CD209: variants seen among roughly 807,000 people sequenced by gnomAD.
The protein encoded by CD209 is CD209 antigen.
Under a neutral mutation model 44.7 loss-of-function variants are expected in CD209, and 31 were observed. The ratio of observed to expected loss-of-function variants is 0.69; its 90% CI spans 0.52 to 0.94. The LOEUF (loss-of-function observed/expected upper bound fraction) is 0.94, where lower values mean the gene tolerates loss of function less well. Ranked by LOEUF, CD209 falls within the 40% of genes least tolerant of loss-of-function variation. The pLI, the probability that CD209 is intolerant of heterozygous loss-of-function variation, is 0.00. For synonymous variants in CD209, 173 were observed against 181.3 expected, an observed-to-expected ratio of 0.95 and a Z score of 0.37; for missense variants, 407 against 452.4, an observed-to-expected ratio of 0.90 and a Z score of 0.91.
Position 7,742,798 on chromosome 19 carries a change from T to A in CD209, c.*241A>T. ...CCTAATCTCCAAAAGGAAGAGAGAGTGGATTCTTGGAACACAAGTCCACCC... is the reference window on the plus strand; with the variant it reads ...CCTAATCTCCAAAAGGAAGAGAGAGAGGATTCTTGGAACACAAGTCCACCC... On this transcript the variant is annotated 3_prime_UTR_variant, in exon 7 of 7. Coordinates refer to ENST00000315599, the MANE Select transcript of CD209 (RefSeq NM_021155.4). The A allele has an allele frequency of 1.8e-6, 1 of 564,046 alleles. No individual in the cohort carries two copies. Among genetic ancestry groups the A allele is most frequent in the South Asian group, 2.3e-5 (1 of 43,748 alleles). The allele number at this position is 564,046 out of a possible 1,614,324, so 34.9% of individuals were successfully genotyped here.
rs1599472907 is a variant in CD209 at position 7,743,195 on chromosome 19, C to T, written c.1059G>A (p.Glu353=). ...WNRGEPNNVG[E]EDCAEFSGNG... is the part of the protein sequence containing the mutation. ...TGCCACTAAATTCCGCGCAGTCTTC[C>T]TCCCCAACGTTGTTGGGCTCTCCTC... The change falls in exon 7 of 7, where the codon GAG becomes GAA. Residue 353 remains glutamate, a synonymous_variant. Coordinates refer to ENST00000315599, the MANE Select transcript of CD209 (RefSeq NM_021155.4). 1.2e-6 allele frequency: 2 copies of T among 1,614,028 alleles called. No individual in the cohort carries two copies. The highest frequency in any genetic ancestry group is 1.7e-5 in the Admixed American group (1 of 60,004).
intron 6 of CD209, 36 bp from the exon 7 acceptor site, chr19:7,743,276 C>G: frequency 3.8e-6 from 6 of 1,568,668 alleles, no homozygotes; most frequent in Non-Finnish European, 5.3e-6. Flanking sequence ...CCTCTGTCCC[C>G]GCCAGCTACA....
chr19:7,746,362 C>G (rs1385307441), intron 3 of CD209, 98 bp downstream of exon 3: 1 of 1,373,670 alleles, frequency 7.3e-7, no homozygotes, highest in African/African-American at 1.4e-5. Flanking sequence ...CATCTTGGCT[C>G]TCAGTCCCAC....
chr19:7,746,034 A>G lies in CD209; in HGVS notation c.232T>C (p.Tyr78His). The change falls in exon 4 of 7, where the codon TAC becomes CAC. Residue 78 changes from tyrosine to histidine, a missense_variant. Tyr to His is a moderately conservative substitution (Grantham distance 83). This residue lies in a region of CD209 where 122 missense variants were observed against 110.3 expected (regional missense o/e 1.11). Transcript: ENST00000315599. ...GCTTTAAGCTGGGTCAGGTTCTGGT[A>G]GATCGCGTCTTGCCTGGATTGTTCC... ...SQEQSRQDAI[Y>H]QNLTQLKAAV... 6.2e-7 allele frequency: 1 copy of G among 1,614,254 alleles called. No individual in the cohort carries two copies. Among genetic ancestry groups the G allele is most frequent in the Non-Finnish European group, 8.5e-7 (1 of 1,180,044 alleles).
At chr19:7,743,567 G>C (rs550944826) in intron 6 of CD209, among the ~76,000 whole-genome samples, 19 of 152,288 alleles carry the variant, frequency 1.2e-4, no homozygotes, top group Admixed American at 9.2e-4. Flanking sequence ...CCAAGGCCAG[G>C]TGTCAGACAG....
chr19:7,743,327 ATC>A (rs1454793015), intron 6 of CD209, 87 bp from the exon 7 acceptor site: 1 of 1,147,402 alleles, frequency 8.7e-7, no homozygotes, highest in African/African-American at 1.5e-5. Context: ...ATGCCTTAAC[ATC>A]TGCCCTGCGT....
chr19:7,747,357 G>A lies in CD209; in HGVS notation c.55C>T (p.Gln19Ter), dbSNP rs2033875270. Residue 19 changes from glutamine to a stop codon, truncating the protein, a stop_gained, in exon 2 of 7, where the codon CAG becomes TAG. Transcript: ENST00000315599. LOFTEE classifies it high-confidence loss of function. Reference protein sequence around the residue: ...LQQLGLLEEEQLRGLGFRQTR... With the variant: ...LQQLGLLEEE The stretch of plus-strand genomic sequence containing the variant: ...TGTCGGAATCCAAGGCCTCTCAGCT[G>A]TTCCTCCTCTGAATGGATAGACGTG... The A allele has an allele frequency of 5.0e-6, 8 of 1,614,236 alleles. No homozygotes were observed. Among genetic ancestry groups the A allele is most frequent in the Middle Eastern group, 3.3e-4 (2 of 6,062 alleles).
chr19:7,741,075 C>A lies in CD209; in HGVS notation c.*1964G>T. The A allele has an allele frequency of 1.2e-6, 1 of 852,756 alleles. No homozygotes were observed. Among genetic ancestry groups the A allele is most frequent in the Non-Finnish European group, 2.0e-6 (1 of 507,782 alleles). 52.8% of individuals were successfully genotyped at this position (852,756 alleles called of 1,614,324 possible). On this transcript the variant is annotated 3_prime_UTR_variant, in exon 7 of 7. Coordinates refer to ENST00000315599, the MANE Select transcript of CD209 (RefSeq NM_021155.4). ...TTACAGTGTTTGGAAAGGAGCAGTG[C>A]AGGAGGGATGACTATGACTCCGAAG... is the stretch of plus-strand genomic sequence containing the variant.
In CD209 at chr19:7,743,157, T is replaced by G. The variant is rs761614211; in HGVS notation, c.1097A>C (p.Asp366Ala). ...CAEFSGNGWN[D>A]DKCNLAKFWI... ...GAATTTGGCAAGATTACATTTGTCG[T>G]CGTTCCAGCCATTGCCACTAAATTC... Residue 366 changes from aspartate (D) to alanine (A), a missense_variant, in exon 7 of 7, where the codon GAC (aspartate) becomes GCC (alanine). By Grantham distance (126) the Asp-to-Ala change is moderately radical (BLOSUM62 -2). Around this residue, in one of 3 missense-constraint regions of CD209, gnomAD observed 200 missense variants for 202.2 expected, o/e 0.99. Coordinates refer to ENST00000315599, the MANE Select transcript of CD209 (RefSeq NM_021155.4). 3 of 1,614,210 alleles carry G rather than the reference T, an allele frequency of 1.9e-6. No individual in the cohort carries two copies. The highest frequency in any genetic ancestry group is 2.2e-5 in the East Asian group (1 of 44,890).
At position 7,740,139 on chromosome 19, in the gene CD209, G is replaced by A. The variant is rs891977049; in HGVS notation, c.*2900C>T. ...ATATGATTGGATCTTGTAATGAGGGGATTCAGGAGGCTTGATCTGACTGGA... is the reference window on the plus strand; with the variant it reads ...ATATGATTGGATCTTGTAATGAGGGAATTCAGGAGGCTTGATCTGACTGGA... On this transcript the variant is annotated 3_prime_UTR_variant, in exon 7 of 7. Coordinates refer to ENST00000315599, the MANE Select transcript of CD209 (RefSeq NM_021155.4). 8 of 193,172 alleles carry A rather than the reference G, an allele frequency of 4.1e-5. No homozygotes were observed. The highest frequency in any genetic ancestry group is 6.4e-5 in the Non-Finnish European group (6 of 93,690). 12.0% of individuals were successfully genotyped at this position (193,172 alleles called of 1,614,324 possible).
rs1035454461 is a variant in CD209 at position 7,743,065 on chromosome 19, C to T, written c.1189G>A (p.Ala397Thr). Residue 397 changes from alanine (A) to threonine (T), a missense_variant, in exon 7 of 7, where the codon GCC becomes ACC. Transcript: ENST00000315599. The part of the protein sequence containing the change: ...DEEQFLSPAP[A>T]TPNPPPA ...TACGCAGGAGGGGGGTTTGGGGTGG[C>T]AGGGGCTGGAGAAAGAAACTGTTCT... The T allele has an allele frequency of 1.2e-6, 2 of 1,613,348 alleles. No individual in the cohort carries two copies. The highest frequency in any genetic ancestry group is 1.7e-5 in the Admixed American group (1 of 59,976).
chr19:7,744,271 C>A, intron 5 of CD209, 52 bp from the exon 6 acceptor site: 1 of 1,331,340 alleles, frequency 7.5e-7, no homozygotes, highest in Non-Finnish European at 1.1e-6. Context: ...ATTTTCCAGG[C>A]TCTGTCTCCC....
At position 7,740,666 on chromosome 19, in the gene CD209, G is replaced by A; in HGVS notation, c.*2373C>T. 1.3e-6 allele frequency: 1 copy of A among 778,284 alleles called. No homozygotes were observed. The highest frequency in any genetic ancestry group is 2.4e-6 in the Non-Finnish European group (1 of 417,964). The allele number at this position is 778,284 out of a possible 1,614,324, so 48.2% of individuals were successfully genotyped here. A position where few individuals can be genotyped will look rare whatever the true frequency, so the allele number is the denominator to read the frequency against. ...GAGAGAGGCAAAGATTACATGAGGA[G>A]TGGTTGCTGAGAGAGCAGAAGGCAC... On this transcript the variant is annotated 3_prime_UTR_variant, in exon 7 of 7. Transcript: ENST00000315599.
At position 7,742,272 on chromosome 19, in the gene CD209, A is replaced by T. The variant is rs1568508062; in HGVS notation, c.*767T>A. The T allele has an allele frequency of 6.5e-6, 1 of 153,070 alleles. No homozygotes were observed. Among genetic ancestry groups the T allele is most frequent in the Admixed American group, 6.5e-5 (1 of 15,330 alleles). 9.5% of individuals were successfully genotyped at this position (153,070 alleles called of 1,614,324 possible). The stretch of plus-strand genomic sequence containing the variant: ...GGAGTTCAAGACCAGCCTGACCAAC[A>T]CGGAGAAACCCCATCTGTACTAAAA... On this transcript the variant is annotated 3_prime_UTR_variant, in exon 7 of 7. Transcript: ENST00000315599.
At position 7,745,086 on chromosome 19, in the gene CD209, A is replaced by C. The variant is rs754866691; in HGVS notation, c.755T>G (p.Leu252Arg). Reference protein sequence around the residue: ...LTQLKAAVERLCHPCPWEWTF... With the variant: ...LTQLKAAVERRCHPCPWEWTF... ...CCATTCCCAGGGACAGGGGTGGCAC[A>C]GGCGTTCTGTTGGGGGAGGCTGGTC... is the stretch of plus-strand genomic sequence containing the variant. The change falls in exon 5 of 7, where the codon CTG becomes CGG. Residue 252 changes from leucine to arginine, a missense_variant. Coordinates refer to ENST00000315599, the MANE Select transcript of CD209 (RefSeq NM_021155.4). 4.3e-6 allele frequency: 7 copies of C among 1,614,214 alleles called. No individual in the cohort carries two copies. In the South Asian group the frequency reaches 7.7e-5, roughly 18 times the overall value.
Position 7,740,755 on chromosome 19 carries a change from G to A in CD209, c.*2284C>T, listed in dbSNP as rs1013514965. On this transcript the variant is annotated 3_prime_UTR_variant, in exon 7 of 7. Coordinates refer to ENST00000315599, the MANE Select transcript of CD209 (RefSeq NM_021155.4). ...GCTAGAAAACGGCAAGAACAAGAGC[G>A]AAAGTTAAAGGAACAATGGGAAGAA... is the stretch of plus-strand genomic sequence containing the variant. 5.3e-6 allele frequency: 4 copies of A among 761,424 alleles called. No individual in the cohort carries two copies. Among genetic ancestry groups the A allele is most frequent in the Non-Finnish European group, 9.8e-6 (4 of 407,068 alleles). The allele number at this position is 761,424 out of a possible 1,614,324, so 47.2% of individuals were successfully genotyped here.
chr19:7,740,798 A>AG lies in CD209; in HGVS notation c.*2240dup. The AG allele has an allele frequency of 1.3e-6, 1 of 760,264 alleles. No individual in the cohort carries two copies. Among genetic ancestry groups the AG allele is most frequent in the Non-Finnish European group, 2.5e-6 (1 of 406,952 alleles). The allele number at this position is 760,264 out of a possible 1,614,324, so 47.1% of individuals were successfully genotyped here. On this transcript the variant is annotated 3_prime_UTR_variant, in exon 7 of 7. Coordinates refer to ENST00000315599, the MANE Select transcript of CD209 (RefSeq NM_021155.4). The stretch of plus-strand genomic sequence containing the variant: ...GGGAAGAACAGCAGAGGAAAGAGAG[A>AG]GAGGAGGAGGAACAGAAACGACAGA...
rs1271571971 is a variant in CD209 at position 7,744,228 on chromosome 19, T to C, written c.901-9A>G. Reference sequence around the variant, plus strand: ...TGCAGCTGTAGGAAGTTCTGGAGGGTACAGGAGGAGTCAGGAGGGAGCTCT... The same window carrying C: ...TGCAGCTGTAGGAAGTTCTGGAGGGCACAGGAGGAGTCAGGAGGGAGCTCT... On this transcript the variant is annotated splice_polypyrimidine_tract_variant and intron_variant, in intron 5 of 6. Coordinates refer to ENST00000315599, the MANE Select transcript of CD209 (RefSeq NM_021155.4). The C allele has an allele frequency of 5.6e-6, 9 of 1,600,910 alleles. No homozygotes were observed. Among genetic ancestry groups the C allele is most frequent in the Non-Finnish European group, 7.7e-6 (9 of 1,168,126 alleles).
chr19:7,741,127 A>G lies in CD209; in HGVS notation c.*1912T>C, dbSNP rs2033596712. The G allele has an allele frequency of 9.4e-7, 1 of 1,068,816 alleles. No homozygotes were observed. Among genetic ancestry groups the G allele is most frequent in the East Asian group, 2.6e-5 (1 of 38,120 alleles). The allele number at this position is 1,068,816 out of a possible 1,614,324, so 66.2% of individuals were successfully genotyped here. On this transcript the variant is annotated 3_prime_UTR_variant, in exon 7 of 7. Coordinates refer to ENST00000315599, the MANE Select transcript of CD209 (RefSeq NM_021155.4). ...AAGCCTGGAGTACAGCGAGGAAGAA[A>G]CCTACCAACAGTTCCTAGATTTCTG...
Sources: gnomAD v4.1 joint callset for allele counts (sites outside exome capture counted in the v4.1 genomes callset) on GRCh38, gnomAD v4.1.1 for gene constraint, gnomAD v4.1.1 regional missense constraint, MANE v1.5 for transcripts, NCBI Gene and HGNC (gene_info 2026-07-23, HGNC 2026-07-21) for gene names.